ADAMTS6: variants seen among roughly 807,000 people sequenced by gnomAD.
ADAMTS6 encodes the protein A disintegrin and metalloproteinase with thrombospondin motifs 6.
ADAMTS6 carries 23 observed loss-of-function variants against 144.3 expected under a neutral mutation model. The ratio of observed to expected loss-of-function variants is 0.16; its 90% CI spans 0.11 to 0.23. The LOEUF is 0.23. ADAMTS6 is among the 10% of genes least tolerant of loss of function. The probability of loss-of-function intolerance (pLI) is 1.00; values close to 1 mark genes in which losing one functional copy is unlikely to be tolerated. For missense variants in ADAMTS6, 999 were observed against 1,379.6 expected, an observed-to-expected ratio of 0.72 and a Z score of 4.37; for synonymous variants, 444 against 457.5, an observed-to-expected ratio of 0.97 and a Z score of 0.38.
intron 7 of ADAMTS6, among the ~76,000 whole-genome samples, chr5:65,392,034 G>C (rs1230007603): frequency 6.6e-6 from 1 of 151,894 alleles, no homozygotes; most frequent in East Asian, 1.9e-4. Flanking sequence ...CCGCACCCAA[G>C]CTGACATTAA....
chr5:65,282,109 G>C (rs946223291), intron 11 of ADAMTS6, among the ~76,000 whole-genome samples: 2 of 152,108 alleles, frequency 1.3e-5, no homozygotes, highest in African/African-American at 2.4e-5. Flanking sequence ...CGGCAAAAAA[G>C]TGTCAAACTC....
In ADAMTS6 at chr5:65,210,160, C is replaced by T. The variant is rs1756401265; in HGVS notation, c.2575+4634G>A. 3 of 213,864 alleles carry T rather than the reference C, an allele frequency of 1.4e-5. No individual in the cohort carries two copies. The South Asian group carries it at 2.5e-4, about 18-fold the overall frequency. 13.2% of individuals were successfully genotyped at this position (213,864 alleles called of 1,614,324 possible). The stretch of plus-strand genomic sequence containing the variant: ...TCAATAGGTTTGGCATGGATAAGAT[C>T]TATGAAGGCCGGCCGGGCGCGGTGG... On this transcript the variant is annotated intron_variant, in intron 20 of 24. Coordinates refer to ENST00000381055, the MANE Select transcript of ADAMTS6 (RefSeq NM_197941.4).
chr5:65,415,013 C>T (rs1294761184), intron 7 of ADAMTS6, among the ~76,000 whole-genome samples: 6 of 152,072 alleles, frequency 3.9e-5, no homozygotes, highest in African/African-American at 1.2e-4. Context: ...AAACCTTTCA[C>T]GCTTCAAAAC....
chr5:65,364,143 G>C (rs1203875497), intron 7 of ADAMTS6, among the ~76,000 whole-genome samples: 3 of 152,150 alleles, frequency 2.0e-5, no homozygotes, highest in African/African-American at 4.8e-5. Flanking sequence ...GTGTTTGAAG[G>C]GGGCAAAACT....
chr5:65,173,949 G>C (rs1753783727), intron 22 of ADAMTS6, among the ~76,000 whole-genome samples: 1 of 151,702 alleles, frequency 6.6e-6, no homozygotes, highest in Non-Finnish European at 1.5e-5. Context: ...CTTGAACCAG[G>C]AGGCGGAGGT....
chr5:65,474,089 G>A (rs896391352), intron 1 of ADAMTS6, 137 bp from the exon 2 acceptor site: 2 of 338,222 alleles, frequency 5.9e-6, no homozygotes, highest in Non-Finnish European at 1.1e-5. Context: ...AGTCTTTATA[G>A]TCTAAATAAA....
intron 8 of ADAMTS6, among the ~76,000 whole-genome samples, chr5:65,332,310 T>TAGAG (rs200599386): frequency 3.0e-3 from 337 of 113,578 alleles, no homozygotes; most frequent in Admixed American, 5.3e-3. Flanking sequence ...TATATATATA[T>TAGAG]ATAGAGAGAG....
At chr5:65,228,259 C>G (rs1580119951) in intron 15 of ADAMTS6, among the ~76,000 whole-genome samples, 1 of 152,152 alleles carries the variant, frequency 6.6e-6, no homozygotes, top group African/African-American at 2.4e-5. Flanking sequence ...AAAAGAGAAG[C>G]TGAGTCTTCT....
At chr5:65,461,718 G>C (rs1759654749) in intron 3 of ADAMTS6, among the ~76,000 whole-genome samples, 1 of 152,164 alleles carries the variant, frequency 6.6e-6, no homozygotes, top group South Asian at 2.1e-4. Flanking sequence ...ACAACAAAGG[G>C]AGACCTACAT....
rs114620831 is a variant in ADAMTS6, at chr5:65,443,480, G to A, written c.1073+7995C>T. The stretch of plus-strand genomic sequence containing the variant: ...TACAAAATATACAAAAAATTAGCTG[G>A]GCATTGTGGTGCACGCCTGTAGTAC... On this transcript the variant is annotated intron_variant, in intron 7 of 24. Transcript: ENST00000381055. 5.7e-4 allele frequency among the ~76,000 whole-genome samples: 86 copies of A among 151,686 alleles called. 1 individual carries two copies. The highest frequency in any genetic ancestry group is 2.1e-3 in the African/African-American group (85 of 41,338).
rs549650699 is a variant in ADAMTS6 at position 65,343,368 on chromosome 5, C to T, written c.1074-9283G>A. On this transcript the variant is annotated intron_variant, in intron 7 of 24. Coordinates refer to ENST00000381055, the MANE Select transcript of ADAMTS6 (RefSeq NM_197941.4). ...AGATGTATAGACCAATAGAACAGAA[C>T]AGAGAACACAAAATTAATCCACGTA... 4.6e-5 allele frequency among the ~76,000 whole-genome samples: 7 copies of T among 151,932 alleles called. No individual in the cohort carries two copies. The South Asian group carries it at 8.3e-4, about 18-fold the overall frequency.
intron 7 of ADAMTS6, among the ~76,000 whole-genome samples, chr5:65,386,000 G>A (rs568580628): frequency 5.9e-5 from 9 of 152,200 alleles, no homozygotes; most frequent in East Asian, 1.9e-4. Context: ...AGCTGTTCAC[G>A]GCAACTAAAT....
chr5:65,246,998 G>T (rs1048249810), intron 14 of ADAMTS6, among the ~76,000 whole-genome samples: 1 of 152,130 alleles, frequency 6.6e-6, no homozygotes, highest in Non-Finnish European at 1.5e-5. Context: ...ATTACTTAAG[G>T]ATAATAAATG....
intron 15 of ADAMTS6, among the ~76,000 whole-genome samples, chr5:65,233,902 G>A (rs867323169): frequency 5.9e-5 from 9 of 152,056 alleles, no homozygotes; most frequent in Middle Eastern, 3.4e-3. Context: ...GTAGCAATCA[G>A]AACAGTATAG....
chr5:65,149,312 G>T lies in ADAMTS6; in HGVS notation c.*2524C>A, dbSNP rs937309619. The T allele has an allele frequency of 1.4e-4, 22 of 152,336 alleles. No homozygotes were observed. The highest frequency in any genetic ancestry group is 4.8e-4 in the African/African-American group (20 of 41,578). 9.4% of individuals were successfully genotyped at this position (152,336 alleles called of 1,614,324 possible). A position where few individuals can be genotyped will look rare whatever the true frequency, so the allele number is the denominator to read the frequency against. ...AATAGGGCATCATGTAGCCATGGGG[G>T]TGGCTACAGAGTAGCAGCAGTATTG... On this transcript the variant is annotated 3_prime_UTR_variant, in exon 25 of 25. Transcript: ENST00000381055.
intron 7 of ADAMTS6, among the ~76,000 whole-genome samples, chr5:65,423,237 G>A (rs1394779888): frequency 6.6e-6 from 1 of 152,190 alleles, no homozygotes; most frequent in East Asian, 1.9e-4. Context: ...TCTTCAGGTG[G>A]TGGGTGCACT....
At chr5:65,162,752 AAT>A (rs142704818) in intron 24 of ADAMTS6, among the ~76,000 whole-genome samples, 8,394 of 152,232 alleles carry the variant, frequency 0.055, 314 homozygotes, top group Middle Eastern at 0.14. Context: ...AGAATAATTT[AAT>A]ATGATAGTTA....
At chr5:65,370,627 G>T (rs997904863) in intron 7 of ADAMTS6, among the ~76,000 whole-genome samples, 2 of 152,188 alleles carry the variant, frequency 1.3e-5, no homozygotes, top group African/African-American at 4.8e-5. Context: ...AGGGTCCTAC[G>T]CCCACGGAGT....
At chr5:65,172,785 G>T in intron 23 of ADAMTS6, 47 bp downstream of exon 23, 1 of 1,586,206 alleles carries the variant, frequency 6.3e-7, no homozygotes, top group Non-Finnish European at 8.6e-7. Flanking sequence ...TCAGGTTTGT[G>T]TCTCAAGGTG....
Sources: gnomAD v4.1 joint callset for allele counts (sites outside exome capture counted in the v4.1 genomes callset) on GRCh38, gnomAD v4.1.1 for gene constraint, MANE v1.5 for transcripts, NCBI Gene and HGNC (gene_info 2026-07-23, HGNC 2026-07-21) for gene names.